The following GALNT9 variants were observed in gnomAD, a reference collection of about 807,000 sequenced individuals.
GALNT9 encodes GalNAc transferase 9.
Under a neutral mutation model 63.1 loss-of-function variants are expected in GALNT9, and 47 were observed. The ratio of observed to expected loss-of-function variants is 0.75; its 90% confidence interval spans 0.59 to 0.95. GALNT9 has a LOEUF of 0.95. Among genes scored for constraint, GALNT9 ranks in the 40% least tolerant of loss-of-function variants. GALNT9 has a pLI of 0.00. For synonymous variants in GALNT9, 396 were observed against 365.7 expected, an observed-to-expected ratio of 1.08 and a Z score of -0.94; for missense variants, 829 against 874.8, an observed-to-expected ratio of 0.95 and a Z score of 0.66.
At chr12:132,271,459 T>C (rs1555240713) in intron 2 of GALNT9, among the ~76,000 whole-genome samples, 2 of 152,168 alleles carry the variant, frequency 1.3e-5, no homozygotes, top group Non-Finnish European at 2.9e-5. Flanking sequence ...AATTAAGAGA[T>C]TGTCCTCTTT....
In GALNT9 at chr12:132,265,394, G is replaced by A. The variant is rs782025942; in HGVS notation, c.420-2769C>T. On this transcript the variant is annotated intron_variant, in intron 2 of 10. Transcript: ENST00000328957. This position sits in a 1 kb window ranked among gnomAD's most constrained non-coding sequence, Gnocchi z 5.3. ...CAGCAGGACATGGGCCTCTGTCTCC[G>A]ATCTCGGAAACACATCTTCTGGCCC... Among the ~76,000 whole-genome samples, 12 of 149,862 alleles carry A rather than the reference G, an allele frequency of 8.0e-5. No individual in the cohort carries two copies. Among genetic ancestry groups the A allele is most frequent in the South Asian group, 4.1e-4 (2 of 4,832 alleles).
Position 132,316,043 on chromosome 12 carries a change from C to T in GALNT9, c.238+12923G>A, listed in dbSNP as rs1423531868. Among the ~76,000 whole-genome samples the T allele has an allele frequency of 6.6e-6, 1 of 152,206 alleles. No homozygotes were observed. Among genetic ancestry groups the T allele is most frequent in the African/African-American group, 2.4e-5 (1 of 41,452 alleles). ...GGCAGCCCCCGAAACGGCCGCCCACCCCCTCACGCCTGCAGGTCTTGGGTT... is the reference window on the plus strand; with the variant it reads ...GGCAGCCCCCGAAACGGCCGCCCACTCCCTCACGCCTGCAGGTCTTGGGTT... On this transcript the variant is annotated intron_variant, in intron 1 of 10. Coordinates refer to ENST00000328957, the MANE Select transcript of GALNT9 (RefSeq NM_001122636.2). The surrounding 1 kb of genome is among the most constrained non-coding windows in gnomAD (Gnocchi z 4.3).
chr12:132,324,121 G>A (rs1868924245), intron 1 of GALNT9, among the ~76,000 whole-genome samples: 1 of 152,226 alleles, frequency 6.6e-6, no homozygotes, highest in South Asian at 2.1e-4. Flanking sequence ...TCCTAGCAAG[G>A]AGAATTTCTC....
rs1869089569 is a variant in GALNT9, at chr12:132,327,523, C to T, written c.238+1443G>A. Among the ~76,000 whole-genome samples, 1 of 152,182 alleles carries T rather than the reference C, an allele frequency of 6.6e-6. No individual in the cohort carries two copies. Among genetic ancestry groups the T allele is most frequent in the South Asian group, 2.1e-4 (1 of 4,824 alleles). ...CCTCTGGCTCTCCCCATAAAACAGACCATAACACCATGGCGAGCACACTTC... is the reference window on the plus strand; with the variant it reads ...CCTCTGGCTCTCCCCATAAAACAGATCATAACACCATGGCGAGCACACTTC... On this transcript the variant is annotated intron_variant, in intron 1 of 10. Transcript: ENST00000328957. This position sits in a 1 kb window ranked among gnomAD's most constrained non-coding sequence, Gnocchi z 4.3.
intron 7 of GALNT9, 131 bp downstream of exon 7, chr12:132,203,374 G>T: frequency 1.4e-6 from 1 of 739,410 alleles, no homozygotes; most frequent in Non-Finnish European, 2.2e-6. Context: ...GCTTGCACCT[G>T]TGCACACCTG....
chr12:132,273,680 G>A (rs1000006615), intron 2 of GALNT9: 1 of 152,456 alleles, frequency 6.6e-6, no homozygotes, highest in East Asian at 1.9e-4. Flanking sequence ...AAGTGGCGCC[G>A]TTTCTGTCAG....
chr12:132,240,071 T>C (rs1878185836), intron 6 of GALNT9, among the ~76,000 whole-genome samples: 1 of 152,208 alleles, frequency 6.6e-6, no homozygotes, highest in South Asian at 2.1e-4. Flanking sequence ...GGGCAGTTTA[T>C]AGAACTGCTC....
chr12:132,316,798 T>TGGTGAGACCTGGGCAGGTTTGGC lies in GALNT9; in HGVS notation c.238+12145_238+12167dup, dbSNP rs1555245713. Among the ~76,000 whole-genome samples the TGGTGAGACCTGGGCAGGTTTGGC allele has an allele frequency of 6.6e-6, 1 of 151,988 alleles. No individual in the cohort carries two copies. The highest frequency in any genetic ancestry group is 1.5e-5 in the Non-Finnish European group (1 of 67,956). On this transcript the variant is annotated intron_variant, in intron 1 of 10. Transcript: ENST00000328957. This position sits in a 1 kb window ranked among gnomAD's most constrained non-coding sequence, Gnocchi z 4.3. ...GGGTACTCGGACCCATAGGGACATT[T>TGGTGAGACCTGGGCAGGTTTGGC]GGTGAGACCTGGGCAGGTTTGGCTG...
chr12:132,243,529 G>T (rs1211406177), intron 6 of GALNT9, among the ~76,000 whole-genome samples: 5 of 150,684 alleles, frequency 3.3e-5, no homozygotes, highest in African/African-American at 9.8e-5. Flanking sequence ...GGCAGCTCTG[G>T]TGTTGTTGGT....
chr12:132,244,829 G>A (rs1371582457), intron 6 of GALNT9, among the ~76,000 whole-genome samples: 2 of 150,676 alleles, frequency 1.3e-5, no homozygotes, highest in Non-Finnish European at 3.0e-5. Context: ...GAGTTGGACG[G>A]GGGCGTGGTG....
chr12:132,228,786 G>A (rs1157383068), intron 6 of GALNT9, among the ~76,000 whole-genome samples: 7 of 151,944 alleles, frequency 4.6e-5, no homozygotes, highest in African/African-American at 1.7e-4. Flanking sequence ...GGCTTTCCTG[G>A]CCCGACTCTC....
rs547248008 is a variant in GALNT9 at position 132,329,360 on chromosome 12, C to T, written c.-157G>A. The T allele has an allele frequency of 1.5e-5, 18 of 1,164,150 alleles. No homozygotes were observed. In the African/African-American group the frequency reaches 2.4e-4, roughly 16 times the overall value. The allele number at this position is 1,164,150 out of a possible 1,614,324, so 72.1% of individuals were successfully genotyped here. ...GTCCCTTCAGCACCAGCTCAGCGCG[C>T]CGGGCCACGGCCGCCGGGGGTCCCC... is the stretch of plus-strand genomic sequence containing the variant. On this transcript the variant is annotated 5_prime_UTR_variant, in exon 1 of 11. Transcript: ENST00000328957.
chr12:132,269,127 C>T (rs1361027044), intron 2 of GALNT9, among the ~76,000 whole-genome samples: 3 of 152,182 alleles, frequency 2.0e-5, no homozygotes, highest in Admixed American at 6.5e-5. Flanking sequence ...CTCGGAGCTC[C>T]GCAAAGGCAC....
At position 132,245,960 on chromosome 12, in the gene GALNT9, C is replaced by T. The variant is rs1878693072; in HGVS notation, c.1077+1950G>A. Among the ~76,000 whole-genome samples, 3 of 152,148 alleles carry T rather than the reference C, an allele frequency of 2.0e-5. No individual in the cohort carries two copies. Among genetic ancestry groups the T allele is most frequent in the Admixed American group, 2.0e-4 (3 of 15,284 alleles). On this transcript the variant is annotated intron_variant, in intron 6 of 10. Coordinates refer to ENST00000328957, the MANE Select transcript of GALNT9 (RefSeq NM_001122636.2). This position sits in a 1 kb window ranked among gnomAD's most constrained non-coding sequence, Gnocchi z 6.3. ...CTCTTCGGCCTCGGTGGTGGCTGCG[C>T]ACTGCCGGTCCCCGGCACCCTCCCC...
At chr12:132,226,807 CA>C (rs1877710233) in intron 6 of GALNT9, among the ~76,000 whole-genome samples, 7 of 150,176 alleles carry the variant, frequency 4.7e-5, no homozygotes, top group African/African-American at 1.5e-4. Context: ...TATACACACC[CA>C]CACACATCCC....
At chr12:132,295,050 C>T (rs781973922) in intron 1 of GALNT9, among the ~76,000 whole-genome samples, 2 of 152,206 alleles carry the variant, frequency 1.3e-5, no homozygotes, top group Non-Finnish European at 2.9e-5. Context: ...AGACCAAATC[C>T]CTCTAAACGC....
In GALNT9 at chr12:132,240,737, T is replaced by C. The variant is rs1348949550; in HGVS notation, c.1077+7173A>G. On this transcript the variant is annotated intron_variant, in intron 6 of 10. Transcript: ENST00000328957. Reference sequence around the variant, plus strand: ...TGGAACCCTTCTGTTTCCTGGGAAGTTACCAGAACCTGATCACCAGCAGAA... The same window carrying C: ...TGGAACCCTTCTGTTTCCTGGGAAGCTACCAGAACCTGATCACCAGCAGAA... The C allele has an allele frequency of 1.3e-5, 6 of 455,714 alleles. No homozygotes were observed. In the Admixed American group the frequency reaches 1.4e-4, roughly 11 times the overall value. The allele number at this position is 455,714 out of a possible 1,614,324, so 28.2% of individuals were successfully genotyped here. A position where few individuals can be genotyped will look rare whatever the true frequency, so the allele number is the denominator to read the frequency against.
intron 1 of GALNT9, among the ~76,000 whole-genome samples, chr12:132,325,129 G>A (rs1226715699): frequency 3.9e-5 from 6 of 152,240 alleles, no homozygotes; most frequent in African/African-American, 7.2e-5. Context: ...CCTCCCTGGG[G>A]GACAGGGCAG....
At chr12:132,215,203 C>A (rs550007950) in intron 6 of GALNT9, among the ~76,000 whole-genome samples, 1 of 152,376 alleles carries the variant, frequency 6.6e-6, no homozygotes, top group South Asian at 2.1e-4. Context: ...CGGGGCCCTG[C>A]CTGGAGCCCC....
Sources: gnomAD v4.1 joint callset for allele counts (sites outside exome capture counted in the v4.1 genomes callset) on GRCh38, gnomAD v4.1.1 for gene constraint, Gnocchi (gnomAD v3.1) non-coding constraint, MANE v1.5 for transcripts, NCBI Gene and HGNC (gene_info 2026-07-23, HGNC 2026-07-21) for gene names.